SLC4A4: variants seen among roughly 807,000 people sequenced by gnomAD.
SLC4A4 encodes electrogenic sodium bicarbonate cotransporter 1.
Under a neutral mutation model 111.5 loss-of-function variants are expected in SLC4A4, and 27 were observed. The ratio of observed to expected loss-of-function variants is 0.24; its 90% CI spans 0.18 to 0.33. The LOEUF (loss-of-function observed/expected upper bound fraction) is 0.33, where lower values mean the gene tolerates loss of function less well. SLC4A4 is among the 10% of genes least tolerant of loss of function. SLC4A4 has a pLI of 1.00. For synonymous variants in SLC4A4, 443 were observed against 463.4 expected, an observed-to-expected ratio of 0.96 and a Z score of 0.57; for missense variants, 909 against 1,315.5, an observed-to-expected ratio of 0.69 and a Z score of 4.78.
intron 8 of SLC4A4, among the ~76,000 whole-genome samples, chr4:71,447,223 A>G (rs1204849653): frequency 1.3e-5 from 2 of 152,160 alleles, no homozygotes; most frequent in Non-Finnish European, 2.9e-5. Flanking sequence ...CACTGCCCAT[A>G]TTGGGTAAGG....
chr4:71,295,851 GGT>G (rs1365764014), intron 3 of SLC4A4, among the ~76,000 whole-genome samples: 4 of 151,912 alleles, frequency 2.6e-5, no homozygotes, highest in Non-Finnish European at 5.9e-5. Context: ...TAGAGACAGG[GGT>G]TTCACCATGT....
intron 23 of SLC4A4, among the ~76,000 whole-genome samples, chr4:71,561,465 C>G (rs113714615): frequency 1.3e-5 from 2 of 151,770 alleles, no homozygotes; most frequent in Non-Finnish European, 2.9e-5. Flanking sequence ...TCTAACTGGT[C>G]AGGCTATCTG....
chr4:71,403,476 T>C (rs958240290), intron 7 of SLC4A4, among the ~76,000 whole-genome samples: 9 of 152,168 alleles, frequency 5.9e-5, no homozygotes, highest in African/African-American at 2.2e-4. Context: ...TCAAAAGTGC[T>C]ATCTTGAAAA....
intron 15 of SLC4A4, 97 bp downstream of exon 15, chr4:71,487,115 A>G: frequency 1.3e-6 from 1 of 756,864 alleles, no homozygotes; most frequent in Non-Finnish European, 2.3e-6. Flanking sequence ...ACCACTCAGC[A>G]ATTCTGGCAT....
intron 6 of SLC4A4, among the ~76,000 whole-genome samples, chr4:71,378,719 C>T (rs569752233): frequency 1.3e-5 from 2 of 152,316 alleles, no homozygotes; most frequent in South Asian, 4.1e-4. Context: ...TTTTTGGCAG[C>T]AAACTGTCGA....
chr4:71,542,179 C>T (rs1315288074), intron 18 of SLC4A4, among the ~76,000 whole-genome samples: 2 of 152,108 alleles, frequency 1.3e-5, no homozygotes, highest in East Asian at 1.9e-4. Context: ...GGACACTGTA[C>T]TAGACATGGT....
chr4:71,289,934 C>A (rs1436220807), intron 3 of SLC4A4, among the ~76,000 whole-genome samples: 1 of 152,138 alleles, frequency 6.6e-6, no homozygotes, highest in Non-Finnish European at 1.5e-5. Flanking sequence ...CTGAAAATGA[C>A]AGATACTGGT....
intron 12 of SLC4A4, among the ~76,000 whole-genome samples, chr4:71,461,932 C>T (rs1726868530): frequency 6.6e-6 from 1 of 152,076 alleles, no homozygotes; most frequent in Non-Finnish European, 1.5e-5. Flanking sequence ...CTCTTAATGG[C>T]CGTAGTGTTG....
intron 3 of SLC4A4, among the ~76,000 whole-genome samples, chr4:71,299,907 C>T (rs2579337): frequency 0.031 from 4,715 of 152,220 alleles, 254 homozygotes; most frequent in African/African-American, 0.11. Context: ...CCACTTGTTG[C>T]GCACACCCCA....
chr4:71,177,166 C>A (rs1745121750), intron 2 of SLC4A4, among the ~76,000 whole-genome samples: 1 of 152,160 alleles, frequency 6.6e-6, no homozygotes, highest in Admixed American at 6.5e-5. Context: ...CCTAAAAGAG[C>A]TCCTGAAGGA....
intron 7 of SLC4A4, among the ~76,000 whole-genome samples, chr4:71,430,418 T>C (rs904682695): frequency 1.3e-4 from 20 of 152,144 alleles, no homozygotes; most frequent in African/African-American, 4.8e-4. Flanking sequence ...CAGTGGGATA[T>C]AAAGCATTCC....
intron 12 of SLC4A4, among the ~76,000 whole-genome samples, chr4:71,456,230 T>C (rs938409333): frequency 2.0e-5 from 3 of 152,198 alleles, no homozygotes; most frequent in African/African-American, 7.2e-5. Flanking sequence ...TTTTTCACTC[T>C]CTTCCAAAGC....
intron 3 of SLC4A4, among the ~76,000 whole-genome samples, chr4:71,335,598 C>T (rs763361536): frequency 1.3e-5 from 2 of 151,996 alleles, no homozygotes; most frequent in East Asian, 1.9e-4. Flanking sequence ...GGCCGAGGAG[C>T]GGGGATCACA....
At chr4:71,536,486 A>ATATG (rs199681803) in intron 18 of SLC4A4, among the ~76,000 whole-genome samples, 2 of 68,046 alleles carry the variant, frequency 2.9e-5, no homozygotes, top group Non-Finnish European at 5.6e-5. Context: ...ATATATATAT[A>ATATG]TGTATATATT....
At chr4:71,424,046 GAACAGGC>G (rs1166914503) in intron 7 of SLC4A4, among the ~76,000 whole-genome samples, 1 of 152,050 alleles carries the variant, frequency 6.6e-6, no homozygotes, top group Non-Finnish European at 1.5e-5. Context: ...CCATCAGAGT[GAACAGGC>G]AACCCACAAA....
intron 6 of SLC4A4, among the ~76,000 whole-genome samples, chr4:71,379,920 A>C (rs1400310140): frequency 6.6e-6 from 1 of 152,098 alleles, no homozygotes; most frequent in Non-Finnish European, 1.5e-5. Context: ...TTTTTTGAAG[A>C]AACTGATTTG....
chr4:71,307,830 A>G (rs539624466), intron 3 of SLC4A4, among the ~76,000 whole-genome samples: 2 of 152,270 alleles, frequency 1.3e-5, no homozygotes, highest in East Asian at 3.9e-4. Context: ...ATAAAAACCA[A>G]AGTGTCAAGA....
chr4:71,144,397 T>C (rs1744103591), intron 2 of SLC4A4, among the ~76,000 whole-genome samples: 2 of 152,254 alleles, frequency 1.3e-5, no homozygotes, highest in Admixed American at 1.3e-4. Context: ...TCCAGCTTTG[T>C]TCTTTTGGCT....
chr4:71,310,581 C>G (rs1192810737), intron 3 of SLC4A4, among the ~76,000 whole-genome samples: 1 of 152,148 alleles, frequency 6.6e-6, no homozygotes, highest in Admixed American at 6.5e-5. Context: ...TCATATCCAG[C>G]CAAACTAAGT....
Sources: allele counts gnomAD v4.1 joint callset (sites outside exome capture counted in the v4.1 genomes callset), GRCh38; gene constraint gnomAD v4.1.1; transcripts MANE v1.5; gene names NCBI Gene and HGNC (gene_info 2026-07-23, HGNC 2026-07-21).